FCER1A: variants seen among roughly 807,000 people sequenced by gnomAD.
The protein encoded by FCER1A is high affinity immunoglobulin epsilon receptor subunit alpha.
In FCER1A, 24 loss-of-function variants were observed where a neutral mutation model predicts 23.6. The ratio of observed to expected loss-of-function variants is 1.02; its 90% confidence interval spans 0.74 to 1.43. The LOEUF is 1.43. Ranked by LOEUF, FCER1A falls within the 40% of genes most tolerant of loss-of-function variation. The probability of loss-of-function intolerance (pLI) is 0.00; values close to 1 mark genes in which losing one functional copy is unlikely to be tolerated. For missense variants in FCER1A, 318 were observed against 294.5 expected, an observed-to-expected ratio of 1.08 and a Z score of -0.58; for synonymous variants, 121 against 108.8, an observed-to-expected ratio of 1.11 and a Z score of -0.70.
At chr1:159,287,104 G>T (rs1002366725), upstream of FCER1A, among the ~76,000 whole-genome samples, 13 of 152,122 alleles carry the variant, frequency 8.5e-5, no homozygotes, top group African/African-American at 3.1e-4. Flanking sequence ...TCTGAATAAC[G>T]CATGTCAGAA....
At position 159,302,626 on chromosome 1, in the gene FCER1A, T is replaced by C. The variant is rs973066330; in HGVS notation, c.55+207T>C. On this transcript the variant is annotated intron_variant, in intron 1 of 4. Transcript: ENST00000693622. ...CTAAGGAGGAAGCCAGACTGAAAGC[T>C]TGGTTCCTTGCATTTGCTCTGGCAT... 5.9e-5 allele frequency among the ~76,000 whole-genome samples: 9 copies of C among 152,276 alleles called. No homozygotes were observed. The East Asian group carries it at 1.7e-3, about 29-fold the overall frequency.
chr1:159,302,800 C>T, intron 1 of FCER1A, 54 bp from the exon 2 acceptor site: 1 of 1,557,380 alleles, frequency 6.4e-7, no homozygotes, highest in Non-Finnish European at 8.9e-7. Flanking sequence ...TTCTAGTCCT[C>T]TGGAGATAAA....
At chr1:159,287,237 C>G (rs1320128857), upstream of FCER1A, among the ~76,000 whole-genome samples, 2 of 152,204 alleles carry the variant, frequency 1.3e-5, no homozygotes, top group Admixed American at 6.5e-5. Flanking sequence ...AAAGAAGACT[C>G]TCTTTTCTTC....
rs370625938 is a variant in FCER1A at position 159,307,745 on chromosome 1, C to T, written c.590-3C>T. On this transcript the variant is annotated splice_polypyrimidine_tract_variant and splice_region_variant and intron_variant, in intron 4 of 4. Transcript: ENST00000693622. ...TTCTCATTGCATCTGTGTTCCACTA[C>T]AGCTCCGCGTGAGAAGTACTGGCTA... 1.3e-5 allele frequency: 21 copies of T among 1,594,226 alleles called. No homozygotes were observed. Among genetic ancestry groups the T allele is most frequent in the Non-Finnish European group, 1.5e-5 (18 of 1,164,860 alleles).
upstream of FCER1A, among the ~76,000 whole-genome samples, chr1:159,298,933 G>C (rs1652361062): frequency 6.6e-6 from 1 of 152,186 alleles, no homozygotes; most frequent in Non-Finnish European, 1.5e-5. Flanking sequence ...ACAAAGTGTA[G>C]ACTCAATGAA....
chr1:159,284,284 G>A, the FCER1A span, among the ~76,000 whole-genome samples: 1 of 152,164 alleles, frequency 6.6e-6, no homozygotes, highest in Admixed American at 6.5e-5. Context: ...ACACCACACT[G>A]GGAAAGGGGA....
At chr1:159,286,494 G>C (rs1048923187), upstream of FCER1A, among the ~76,000 whole-genome samples, 1 of 151,806 alleles carries the variant, frequency 6.6e-6, no homozygotes, top group Non-Finnish European at 1.5e-5. Context: ...CACCACGCCC[G>C]GCTAATTTTT....
At chr1:159,296,698 C>T (rs532931791) in intron 1 of FCER1A, among the ~76,000 whole-genome samples, 2 of 152,306 alleles carry the variant, frequency 1.3e-5, no homozygotes, top group East Asian at 3.9e-4. Flanking sequence ...AGGCTGCCTT[C>T]AGTATTGCAG....
intron 1 of FCER1A, among the ~76,000 whole-genome samples, chr1:159,293,684 A>G (rs1489672383): frequency 6.6e-6 from 1 of 151,352 alleles, no homozygotes; most frequent in African/African-American, 2.4e-5. Context: ...GAGAATGATG[A>G]TTTCCAATTT....
upstream of FCER1A, among the ~76,000 whole-genome samples, chr1:159,300,688 C>T (rs1330351834): frequency 6.6e-6 from 1 of 152,132 alleles, no homozygotes; most frequent in Non-Finnish European, 1.5e-5. Context: ...CATATTTCTC[C>T]TATAAGTCTT....
chr1:159,302,705 G>A (rs1652471207), intron 1 of FCER1A, 149 bp from the exon 2 acceptor site: 1 of 766,248 alleles, frequency 1.3e-6, no homozygotes, highest in Non-Finnish European at 2.3e-6. Flanking sequence ...AGAGAAAGAA[G>A]CTCTTTCTTC....
upstream of FCER1A, among the ~76,000 whole-genome samples, chr1:159,301,232 T>C (rs1652422284): frequency 6.6e-6 from 1 of 152,140 alleles, no homozygotes. Flanking sequence ...TTGGTAAAGA[T>C]AAAATAGGAC....
intron 3 of FCER1A, among the ~76,000 whole-genome samples, chr1:159,305,231 G>A (rs1652565328): frequency 1.3e-5 from 2 of 152,268 alleles, no homozygotes; most frequent in South Asian, 2.1e-4. Context: ...TAAAGGATTG[G>A]TCCTAAATTA....
upstream of FCER1A, among the ~76,000 whole-genome samples, chr1:159,285,500 T>C (rs1474745043): frequency 6.6e-5 from 10 of 151,798 alleles, no homozygotes; most frequent in Admixed American, 6.6e-4. Flanking sequence ...ACCTGTAATA[T>C]AGTATATTAA....
chr1:159,285,013 G>A (rs1372842089), upstream of FCER1A, among the ~76,000 whole-genome samples: 1 of 152,096 alleles, frequency 6.6e-6, no homozygotes, highest in African/African-American at 2.4e-5. Context: ...GTTTTTTTGA[G>A]TCTAGACTAG....
upstream of FCER1A, among the ~76,000 whole-genome samples, chr1:159,300,196 G>T (rs756370779): frequency 6.6e-6 from 1 of 152,014 alleles, no homozygotes; most frequent in African/African-American, 2.4e-5. Flanking sequence ...TATACTCTTC[G>T]AACTAGGAAT....
upstream of FCER1A, among the ~76,000 whole-genome samples, chr1:159,288,671 C>G (rs1207020531): frequency 6.6e-6 from 1 of 152,188 alleles, no homozygotes; most frequent in Non-Finnish European, 1.5e-5. Context: ...TCTCATCATT[C>G]TAATTTAATT....
chr1:159,286,437 A>G (rs1486789618), upstream of FCER1A, among the ~76,000 whole-genome samples: 1 of 151,214 alleles, frequency 6.6e-6, no homozygotes, highest in East Asian at 2.0e-4. Context: ...GGTTCATGCC[A>G]TTCTCCTGCC....
upstream of FCER1A, among the ~76,000 whole-genome samples, chr1:159,289,108 A>T (rs182469327): frequency 6.6e-6 from 1 of 152,226 alleles, no homozygotes; most frequent in Admixed American, 6.5e-5. Flanking sequence ...CCATCTTTCC[A>T]CTATTCTGCT....
Sources: gnomAD v4.1 joint callset for allele counts (sites outside exome capture counted in the v4.1 genomes callset) on GRCh38, gnomAD v4.1.1 for gene constraint, MANE v1.5 for transcripts, NCBI Gene and HGNC (gene_info 2026-07-23, HGNC 2026-07-21) for gene names.